GPC6: variants seen among roughly 807,000 people sequenced by gnomAD.
GPC6 encodes the protein glypican 6.
GPC6 carries 14 observed loss-of-function variants against 55.2 expected under a neutral mutation model. That is an observed-to-expected ratio of 0.25 (90% CI 0.17 to 0.40). The LOEUF is 0.40. GPC6 is among the 10% of genes least tolerant of loss of function. The pLI, the probability that GPC6 is intolerant of heterozygous loss-of-function variation, is 1.00. For missense variants in GPC6, 641 were observed against 708.5 expected (o/e 0.90, Z 1.08); for synonymous variants, 278 against 259.6 (o/e 1.07, Z -0.68).
intron 4 of GPC6, among the ~76,000 whole-genome samples, chr13:94,204,777 C>A (rs890229331): frequency 1.3e-5 from 2 of 152,094 alleles, no homozygotes; most frequent in Non-Finnish European, 2.9e-5. Context: ...AATTTTGTAT[C>A]CTTCACTTCT....
rs556330862 is a variant in GPC6 at position 93,544,866 on chromosome 13, T to C, written c.161-397T>C. On this transcript the variant is annotated intron_variant, in intron 1 of 8. Coordinates refer to ENST00000377047, the MANE Select transcript of GPC6 (RefSeq NM_005708.5). ...AGGGACAGTTATCATCTTTTCTTGC[T>C]TTTGGTGATGGGACTAAGTGTCTTT... Among the ~76,000 whole-genome samples the C allele has an allele frequency of 6.6e-5, 10 of 152,310 alleles. No individual in the cohort carries two copies. In the South Asian group the frequency reaches 2.1e-3, roughly 32 times the overall value.
At chr13:93,265,448 T>G (rs1052404553) in intron 1 of GPC6, among the ~76,000 whole-genome samples, 1 of 152,238 alleles carries the variant, frequency 6.6e-6, no homozygotes, top group Admixed American at 6.5e-5. Flanking sequence ...TGGCTCAGTA[T>G]GCACAACCTT....
At chr13:93,253,046 C>T (rs779561122) in intron 1 of GPC6, among the ~76,000 whole-genome samples, 31 of 152,158 alleles carry the variant, frequency 2.0e-4, no homozygotes, top group Non-Finnish European at 3.5e-4. Flanking sequence ...ACATTTCTCC[C>T]AATGAAGCTC....
At chr13:93,974,392 G>A (rs1305826387) in intron 3 of GPC6, among the ~76,000 whole-genome samples, 1 of 152,060 alleles carries the variant, frequency 6.6e-6, no homozygotes, top group Non-Finnish European at 1.5e-5. Flanking sequence ...GATTTTTAAG[G>A]TTTTTTCTTT....
chr13:93,559,825 C>T (rs771964168), intron 2 of GPC6, among the ~76,000 whole-genome samples: 14 of 152,242 alleles, frequency 9.2e-5, no homozygotes, highest in Non-Finnish European at 1.8e-4. Context: ...CATGATGCCA[C>T]GGGTGAATGC....
At chr13:93,989,932 GTA>G (rs143198551) in intron 3 of GPC6, among the ~76,000 whole-genome samples, 2 of 146,098 alleles carry the variant, frequency 1.4e-5, no homozygotes, top group Admixed American at 6.9e-5. Context: ...ATATATATAT[GTA>G]TATATATATA....
At chr13:93,364,149 A>G (rs1328634470) in intron 1 of GPC6, among the ~76,000 whole-genome samples, 3 of 151,914 alleles carry the variant, frequency 2.0e-5, no homozygotes, top group African/African-American at 7.3e-5. Context: ...TTTAGATCCC[A>G]TTTGTCAATT....
chr13:93,792,334 G>A lies in GPC6; in HGVS notation c.320-37820G>A, dbSNP rs566318787. ...ATAGGGTTTTTTTCTTTTTTGAGAT[G>A]GAGTTTTGCTCTGTCGCCCAGGCGG... On this transcript the variant is annotated intron_variant, in intron 2 of 8. Coordinates refer to ENST00000377047, the MANE Select transcript of GPC6 (RefSeq NM_005708.5). Among the ~76,000 whole-genome samples, 3 of 152,314 alleles carry A rather than the reference G, an allele frequency of 2.0e-5. No individual in the cohort carries two copies. The East Asian group carries it at 5.8e-4, about 29-fold the overall frequency.
intron 3 of GPC6, among the ~76,000 whole-genome samples, chr13:93,947,491 C>T (rs150428734): frequency 9.7e-4 from 148 of 152,216 alleles, no homozygotes; most frequent in African/African-American, 3.1e-3. Flanking sequence ...TGGATAGATA[C>T]GCAATATGCA....
intron 3 of GPC6, among the ~76,000 whole-genome samples, chr13:94,010,684 T>A (rs1594663917): frequency 6.6e-6 from 1 of 152,276 alleles, no homozygotes; most frequent in East Asian, 1.9e-4. Context: ...GTAAATTATA[T>A]TTTTTAGTTA....
intron 5 of GPC6, among the ~76,000 whole-genome samples, chr13:94,298,353 T>C (rs1875453064): frequency 6.6e-6 from 1 of 152,236 alleles, no homozygotes; most frequent in Admixed American, 6.5e-5. Context: ...CAGTCACCAC[T>C]TCCACTTTGA....
chr13:93,220,264 G>T, the GPC6 span, among the ~76,000 whole-genome samples: 2 of 152,158 alleles, frequency 1.3e-5, no homozygotes, highest in African/African-American at 4.8e-5. Flanking sequence ...CTTGCCTTAA[G>T]GAATGCCATT....
chr13:93,234,419 T>G (rs540454171), intron 1 of GPC6, among the ~76,000 whole-genome samples: 1 of 152,160 alleles, frequency 6.6e-6, no homozygotes, highest in Non-Finnish European at 1.5e-5. Context: ...CCTGAGTCCC[T>G]TAACAAGCTG....
intron 3 of GPC6, among the ~76,000 whole-genome samples, chr13:93,881,812 TA>T (rs1215574421): frequency 6.6e-6 from 1 of 152,144 alleles, no homozygotes; most frequent in Non-Finnish European, 1.5e-5. Flanking sequence ...TGCTTATTTG[TA>T]ACTTTGTAAC....
intron 2 of GPC6, among the ~76,000 whole-genome samples, chr13:93,595,517 T>A (rs996999285): frequency 2.6e-5 from 4 of 152,186 alleles, no homozygotes; most frequent in Non-Finnish European, 5.9e-5. Context: ...TGAATTTCAG[T>A]GAACTATAGA....
At chr13:93,275,025 G>A (rs976925759) in intron 1 of GPC6, among the ~76,000 whole-genome samples, 1 of 152,160 alleles carries the variant, frequency 6.6e-6, no homozygotes, top group African/African-American at 2.4e-5. Context: ...AAAATTGTGA[G>A]TGCATATTCC....
intron 2 of GPC6, among the ~76,000 whole-genome samples, chr13:93,813,333 C>T (rs1347560912): frequency 1.3e-5 from 2 of 152,128 alleles, no homozygotes; most frequent in East Asian, 3.9e-4. Context: ...GCAGGAGAAT[C>T]GCTTGAACTT....
intron 2 of GPC6, among the ~76,000 whole-genome samples, chr13:93,775,474 T>C (rs762029917): frequency 3.3e-5 from 5 of 151,598 alleles, no homozygotes; most frequent in African/African-American, 4.9e-5. Flanking sequence ...AAACCTGGAG[T>C]TTTCTAGAAG....
At chr13:94,301,379 G>A (rs188659632) in intron 5 of GPC6, among the ~76,000 whole-genome samples, 5 of 152,058 alleles carry the variant, frequency 3.3e-5, no homozygotes, top group African/African-American at 7.2e-5. Flanking sequence ...TCTGGGCAAC[G>A]GAGTGAGACC....
Sources: allele counts gnomAD v4.1 joint callset (sites outside exome capture counted in the v4.1 genomes callset), GRCh38; gene constraint gnomAD v4.1.1; transcripts MANE v1.5; gene names NCBI Gene and HGNC (gene_info 2026-07-23, HGNC 2026-07-21).